The following SLC35D4 variants were observed in gnomAD, a reference collection of about 807,000 sequenced individuals.
SLC35D4 encodes solute carrier family 35 member D4.
the SLC35D4 span, among the ~76,000 whole-genome samples, chr18:23,272,426 C>G: frequency 1.3e-5 from 2 of 152,028 alleles, no homozygotes; most frequent in African/African-American, 4.8e-5. Context: ...GCCTGGGCAA[C>G]AGAGCCAGAC....
chr18:23,250,237 G>A, the SLC35D4 span, among the ~76,000 whole-genome samples: 3 of 152,366 alleles, frequency 2.0e-5, no homozygotes, highest in Admixed American at 6.5e-5. Flanking sequence ...AACAAAGGCA[G>A]ATGACTTTAC....
chr18:23,258,027 G>C, the SLC35D4 span: 1 of 152,172 alleles, frequency 6.6e-6, no homozygotes, highest in Non-Finnish European at 1.5e-5. Flanking sequence ...TTGCTCTCTC[G>C]GTACCAGACA....
the SLC35D4 span, among the ~76,000 whole-genome samples, chr18:23,375,637 T>C: frequency 1.3e-5 from 2 of 152,208 alleles, no homozygotes; most frequent in Non-Finnish European, 2.9e-5. Flanking sequence ...GTGCCTGGAA[T>C]AAATACTGAG....
chr18:23,369,630 G>GACC, the SLC35D4 span, among the ~76,000 whole-genome samples: 3 of 152,124 alleles, frequency 2.0e-5, no homozygotes, highest in Admixed American at 6.5e-5. Context: ...TCTGAGAGGT[G>GACC]ACATGTGAAT....
chr18:23,433,285 GT>G, the SLC35D4 span, among the ~76,000 whole-genome samples: 3 of 152,100 alleles, frequency 2.0e-5, no homozygotes, highest in Non-Finnish European at 4.4e-5. Flanking sequence ...GTCTCTCAAA[GT>G]GCTGGGATTA....
the SLC35D4 span, among the ~76,000 whole-genome samples, chr18:23,414,224 A>C: frequency 1.4e-4 from 21 of 152,108 alleles, no homozygotes; most frequent in South Asian, 3.1e-3. Flanking sequence ...ACTGCACTCC[A>C]GCCTGAGCAA....
chr18:23,340,709 T>C, the SLC35D4 span, among the ~76,000 whole-genome samples: 2 of 152,300 alleles, frequency 1.3e-5, no homozygotes, highest in African/African-American at 4.8e-5. Flanking sequence ...GAGATGGTGG[T>C]AGCAATTACG....
the SLC35D4 span, among the ~76,000 whole-genome samples, chr18:23,349,060 A>G: frequency 1.3e-5 from 2 of 152,266 alleles, no homozygotes; most frequent in African/African-American, 4.8e-5. Context: ...TTGTTCCCCC[A>G]TATATGTTGA....
At chr18:23,248,512 CTTTTTTTT>C in the SLC35D4 span, among the ~76,000 whole-genome samples, 53 of 90,728 alleles carry the variant, frequency 5.8e-4, no homozygotes, top group Non-Finnish European at 7.2e-4. Flanking sequence ...GACCCTATGT[CTTTTTTTT>C]TTTTTTTTTT....
the SLC35D4 span, among the ~76,000 whole-genome samples, chr18:23,411,227 AGGGAAGGGAAG>A: frequency 2.0e-5 from 2 of 97,858 alleles, no homozygotes; most frequent in Non-Finnish European, 1.9e-5. Flanking sequence ...AGGGGAGGGG[AGGGAAGGGAAG>A]GGGAAGGGAA....
chr18:23,279,282 G>A, the SLC35D4 span, among the ~76,000 whole-genome samples: 2 of 152,138 alleles, frequency 1.3e-5, no homozygotes, highest in African/African-American at 2.4e-5. Context: ...ACTCTTCTAC[G>A]CAACTGTCCC....
At chr18:23,254,872 T>TG in the SLC35D4 span, among the ~76,000 whole-genome samples, 1 of 152,076 alleles carries the variant, frequency 6.6e-6, no homozygotes, top group African/African-American at 2.4e-5. Flanking sequence ...CATACGAATT[T>TG]GGGGGGACAC....
chr18:23,427,546 T>C, the SLC35D4 span, among the ~76,000 whole-genome samples: 2 of 151,906 alleles, frequency 1.3e-5, no homozygotes, highest in African/African-American at 4.8e-5. Context: ...TGTGGAGAAA[T>C]AGGAACACTT....
the SLC35D4 span, among the ~76,000 whole-genome samples, chr18:23,324,288 A>G: frequency 3.3e-5 from 5 of 152,088 alleles, no homozygotes; most frequent in South Asian, 4.2e-4. Context: ...ACTCTTGGAC[A>G]TTGCAGCCTC....
chr18:23,420,295 C>T, the SLC35D4 span, among the ~76,000 whole-genome samples: 1 of 152,112 alleles, frequency 6.6e-6, no homozygotes, highest in Non-Finnish European at 1.5e-5. Context: ...AAGAGCGAAA[C>T]TCCATCTCAA....
At chr18:23,268,210 G>A in the SLC35D4 span, among the ~76,000 whole-genome samples, 2 of 152,142 alleles carry the variant, frequency 1.3e-5, no homozygotes, top group Admixed American at 1.3e-4. Flanking sequence ...GGAGAAATGG[G>A]TATTTATTAT....
At chr18:23,313,126 C>CAAAAAAAAAAAAAAAAAAAAAAAAA in the SLC35D4 span, among the ~76,000 whole-genome samples, 12 of 29,490 alleles carry the variant, frequency 4.1e-4, 1 homozygote, top group Non-Finnish European at 4.3e-4. Flanking sequence ...GACTACATCT[C>CAAAAAAAAAAAAAAAAAAAAAAAAA]AAAAAAAAAA....
the SLC35D4 span, among the ~76,000 whole-genome samples, chr18:23,273,274 A>C: frequency 6.6e-6 from 1 of 152,210 alleles, no homozygotes; most frequent in East Asian, 1.9e-4. Flanking sequence ...AGAGGGATAA[A>C]TGTTAAGTTG....
chr18:23,287,374 C>A, the SLC35D4 span, among the ~76,000 whole-genome samples: 6 of 152,344 alleles, frequency 3.9e-5, no homozygotes, highest in Admixed American at 2.0e-4. Context: ...CTGACCCTGA[C>A]ACCCATCAGG....
Sources: gnomAD v4.1 joint callset for allele counts (sites outside exome capture counted in the v4.1 genomes callset) on GRCh38, gnomAD v4.1.1 for gene constraint, MANE v1.5 for transcripts, NCBI Gene and HGNC (gene_info 2026-07-23, HGNC 2026-07-21) for gene names.